GABPA: variants seen among roughly 807,000 people sequenced by gnomAD.
GABPA encodes GA binding protein transcription factor subunit alpha.
A neutral mutation model predicts 59.4 loss-of-function variants in GABPA; 4 were observed. The observed-to-expected ratio is 0.07, with a 90% CI of 0.03 to 0.15. The LOEUF is 0.15. Among genes scored for constraint, GABPA ranks in the 10% least tolerant of loss-of-function variants. The probability of loss-of-function intolerance (pLI) is 1.00; values close to 1 mark genes in which losing one functional copy is unlikely to be tolerated. For missense variants in GABPA, 251 were observed against 543.8 expected (o/e 0.46, Z 5.36); for synonymous variants, 164 against 183.1 (o/e 0.90, Z 0.84).
chr21:25,745,743 C>T (rs1442154218), intron 3 of GABPA, among the ~76,000 whole-genome samples: 1 of 152,132 alleles, frequency 6.6e-6, no homozygotes, highest in Non-Finnish European at 1.5e-5. Context: ...TTCTACATTT[C>T]TGTTTTACCT....
At chr21:25,763,113 T>G in intron 7 of GABPA, 2 of 475,470 alleles carry the variant, frequency 4.2e-6, no homozygotes, top group South Asian at 3.7e-5. Context: ...TCCATCTCCA[T>G]TTTCATGTCA....
chr21:25,755,476 C>G (rs1289437113), intron 5 of GABPA, among the ~76,000 whole-genome samples: 1 of 146,612 alleles, frequency 6.8e-6, no homozygotes, highest in Non-Finnish European at 1.5e-5. Context: ...GAGTTTCAAA[C>G]GTGTCAATAT....
chr21:25,739,473 G>C (rs1475726200), intron 1 of GABPA, among the ~76,000 whole-genome samples: 1 of 152,202 alleles, frequency 6.6e-6, no homozygotes, highest in African/African-American at 2.4e-5. Flanking sequence ...TCCTTGTCTA[G>C]CTTTCAGAAG....
At chr21:25,746,867 C>T (rs2035379697) in intron 3 of GABPA, among the ~76,000 whole-genome samples, 1 of 152,114 alleles carries the variant, frequency 6.6e-6, no homozygotes, top group Admixed American at 6.5e-5. Context: ...ATGTTCATGG[C>T]TTTGCAAAAA....
chr21:25,740,224 C>G (rs1037272234), intron 1 of GABPA, among the ~76,000 whole-genome samples: 2 of 152,208 alleles, frequency 1.3e-5, no homozygotes, highest in Admixed American at 6.5e-5. Context: ...TAAGATTGCT[C>G]TATGCAAAGC....
intron 3 of GABPA, among the ~76,000 whole-genome samples, 171 bp from the exon 4 acceptor site, chr21:25,748,865 G>A (rs2035435202): frequency 6.6e-6 from 1 of 152,164 alleles, no homozygotes; most frequent in Non-Finnish European, 1.5e-5. Flanking sequence ...AAATATTTTA[G>A]ATTTTGGCAA....
intron 9 of GABPA, among the ~76,000 whole-genome samples, chr21:25,767,147 A>T (rs796588423): frequency 6.6e-6 from 1 of 151,812 alleles, no homozygotes; most frequent in African/African-American, 2.4e-5. Context: ...TACTATCATG[A>T]TACAGGCTTG....
chr21:25,737,196 ATGAAAT>A (rs2035095371), intron 1 of GABPA, among the ~76,000 whole-genome samples: 1 of 152,256 alleles, frequency 6.6e-6, no homozygotes, highest in African/African-American at 2.4e-5. Flanking sequence ...GTCAAAGTAT[ATGAAAT>A]TGTTCTGTGC....
At chr21:25,751,826 C>T (rs2035520160) in intron 4 of GABPA, among the ~76,000 whole-genome samples, 163 bp from the exon 5 acceptor site, 1 of 151,992 alleles carries the variant, frequency 6.6e-6, no homozygotes, top group Admixed American at 6.6e-5. Flanking sequence ...TAAAAGAATT[C>T]TTGAATATCC....
At chr21:25,740,098 G>C (rs1254054756) in intron 1 of GABPA, among the ~76,000 whole-genome samples, 2 of 152,124 alleles carry the variant, frequency 1.3e-5, no homozygotes, top group Non-Finnish European at 2.9e-5. Context: ...GACAACCATG[G>C]TTCATCCCCA....
chr21:25,760,334 G>A (rs1278026595), intron 6 of GABPA, among the ~76,000 whole-genome samples: 2 of 152,182 alleles, frequency 1.3e-5, no homozygotes, highest in African/African-American at 2.4e-5. Context: ...GGTCCCTTCT[G>A]TAGAGAGAAG....
intron 5 of GABPA, among the ~76,000 whole-genome samples, chr21:25,753,623 C>T (rs1248688553): frequency 6.6e-6 from 1 of 152,086 alleles, no homozygotes; most frequent in African/African-American, 2.4e-5. Flanking sequence ...ATTTGATGAT[C>T]AGAGGATTAT....
intron 6 of GABPA, among the ~76,000 whole-genome samples, chr21:25,759,342 A>G (rs71651620): frequency 0.025 from 3,730 of 152,190 alleles, 156 homozygotes; most frequent in African/African-American, 0.085. Flanking sequence ...TTTATTATAT[A>G]CCCAATAAGG....
intron 7 of GABPA, 86 bp downstream of exon 7, chr21:25,762,451 A>C (rs1424024370): frequency 1.6e-5 from 16 of 1,021,892 alleles, no homozygotes; most frequent in Non-Finnish European, 2.0e-5. Flanking sequence ...AAATTATTTA[A>C]AAAAATTTTT....
intron 4 of GABPA, 38 bp from the exon 5 acceptor site, chr21:25,751,951 T>G: frequency 6.3e-7 from 1 of 1,598,958 alleles, no homozygotes; most frequent in Non-Finnish European, 8.5e-7. Context: ...TTCTGCGTTT[T>G]CATTTAGATT....
rs555251281 is a variant in GABPA at position 25,748,055 on chromosome 21, C to T, written c.223-981C>T. The stretch of plus-strand genomic sequence containing the variant: ...CCAAGTAGCTGGGATTACAGGCATG[C>T]GCCACCACTCCTAGCTAATTTTTGT... On this transcript the variant is annotated intron_variant, in intron 3 of 9. Coordinates refer to ENST00000400075, the MANE Select transcript of GABPA (RefSeq NM_002040.4). Among the ~76,000 whole-genome samples the T allele has an allele frequency of 1.4e-4, 22 of 152,172 alleles. No homozygotes were observed. The South Asian group carries it at 4.4e-3, about 30-fold the overall frequency.
chr21:25,738,020 T>C (rs113088239), intron 1 of GABPA, among the ~76,000 whole-genome samples: 3 of 152,304 alleles, frequency 2.0e-5, no homozygotes, highest in African/African-American at 7.2e-5. Context: ...ACATTGTCAA[T>C]CAATCCTGTT....
chr21:25,764,546 G>T (rs781744969), intron 8 of GABPA, 49 bp from the exon 9 acceptor site: 244 of 1,539,788 alleles, frequency 1.6e-4, no homozygotes, highest in Non-Finnish European at 2.0e-4. Context: ...TTTGCCTTGG[G>T]CTAATCTATA....
Position 25,735,182 on chromosome 21 carries a change from G to A in GABPA, c.-423G>A, listed in dbSNP as rs1351778901. The A allele has an allele frequency of 1.6e-6, 1 of 606,356 alleles. No individual in the cohort carries two copies. Among genetic ancestry groups the A allele is most frequent in the South Asian group, 1.9e-5 (1 of 51,834 alleles). The allele number at this position is 606,356 out of a possible 1,614,324, so 37.6% of individuals were successfully genotyped here. A position where few individuals can be genotyped will look rare whatever the true frequency, so the allele number is the denominator to read the frequency against. Reference sequence around the variant, plus strand: ...TGCTCTGTACGCATGCGCTCTTTGAGTGGCCTTTCCCCTAGTTCAAGCTCC... The same window carrying A: ...TGCTCTGTACGCATGCGCTCTTTGAATGGCCTTTCCCCTAGTTCAAGCTCC... On this transcript the variant is annotated 5_prime_UTR_variant, in exon 1 of 10. The change creates a new upstream start codon in the 5' untranslated region. Coordinates refer to ENST00000400075, the MANE Select transcript of GABPA (RefSeq NM_002040.4).
Sources: gnomAD v4.1 joint callset for allele counts (sites outside exome capture counted in the v4.1 genomes callset) on GRCh38, gnomAD v4.1.1 for gene constraint, MANE v1.5 for transcripts, NCBI Gene and HGNC (gene_info 2026-07-23, HGNC 2026-07-21) for gene names.